Variants in KCNQ5 observed in about 807,000 individuals in gnomAD.
KCNQ5 encodes the protein potassium voltage-gated channel subfamily KQT member 5.
KCNQ5 carries 30 observed loss-of-function variants against 98.2 expected under a neutral mutation model. The ratio of observed to expected loss-of-function variants is 0.31; its 90% CI spans 0.23 to 0.41. The LOEUF is 0.41. Among genes scored for constraint, KCNQ5 ranks in the 10% least tolerant of loss-of-function variants. The probability of loss-of-function intolerance (pLI) is 1.00; values close to 1 mark genes in which losing one functional copy is unlikely to be tolerated. For synonymous variants in KCNQ5, 458 were observed against 449.4 expected, an observed-to-expected ratio of 1.02 and a Z score of -0.24; for missense variants, 835 against 1,182.5, an observed-to-expected ratio of 0.71 and a Z score of 4.31.
chr6:72,761,720 T>G (rs972549922), intron 1 of KCNQ5, among the ~76,000 whole-genome samples: 6 of 152,070 alleles, frequency 3.9e-5, no homozygotes, highest in Non-Finnish European at 7.4e-5. Context: ...TTGCAGTAAC[T>G]ACAATATGCA....
chr6:73,061,899 A>C (rs1395461014), intron 3 of KCNQ5, among the ~76,000 whole-genome samples: 1 of 152,146 alleles, frequency 6.6e-6, no homozygotes, highest in East Asian at 1.9e-4. Flanking sequence ...ATCGATACCT[A>C]CAATCAGAAA....
chr6:73,051,191 C>T (rs1383339494), intron 3 of KCNQ5, among the ~76,000 whole-genome samples: 1 of 152,150 alleles, frequency 6.6e-6, no homozygotes. Context: ...AGCCCCACCC[C>T]CTGCCCCACG....
chr6:72,714,530 G>GATAT (rs1447317335), intron 1 of KCNQ5, among the ~76,000 whole-genome samples: 1 of 151,778 alleles, frequency 6.6e-6, no homozygotes, highest in East Asian at 1.9e-4. Context: ...TTTTCTCTCT[G>GATAT]ATATGGCTTA....
intron 3 of KCNQ5, among the ~76,000 whole-genome samples, chr6:73,060,503 A>C (rs1021210247): frequency 6.6e-6 from 1 of 152,182 alleles, no homozygotes; most frequent in East Asian, 1.9e-4. Flanking sequence ...GGAATCTGGA[A>C]AGATTTTCTA....
At chr6:73,055,132 C>A (rs750184805) in intron 3 of KCNQ5, 7 of 763,168 alleles carry the variant, frequency 9.2e-6, no homozygotes, top group Non-Finnish European at 1.5e-5. Context: ...TCCAGCACAG[C>A]GAGAGTGAGT....
intron 2 of KCNQ5, among the ~76,000 whole-genome samples, chr6:73,025,503 A>T (rs184121311): frequency 6.6e-6 from 1 of 151,982 alleles, no homozygotes; most frequent in African/African-American, 2.4e-5. Flanking sequence ...ACACACTTGT[A>T]ATCCCAGCTA....
intron 1 of KCNQ5, among the ~76,000 whole-genome samples, chr6:72,889,980 C>G (rs945432251): frequency 3.9e-5 from 6 of 152,104 alleles, no homozygotes; most frequent in African/African-American, 1.4e-4. Flanking sequence ...TCAGTCAGAG[C>G]TGAATGGTGC....
intron 1 of KCNQ5, among the ~76,000 whole-genome samples, chr6:72,994,855 AAT>A (rs1313327573): frequency 9.9e-5 from 15 of 152,216 alleles, no homozygotes; most frequent in Admixed American, 3.3e-4. Context: ...AACTTTCATT[AAT>A]AGTTTCTCAT....
intron 1 of KCNQ5, among the ~76,000 whole-genome samples, chr6:72,866,324 G>A (rs923191950): frequency 7.1e-6 from 1 of 140,616 alleles, no homozygotes; most frequent in Non-Finnish European, 1.5e-5. Context: ...GTGTGATCTC[G>A]GCCCACTGCA....
At chr6:72,987,195 G>A in intron 1 of KCNQ5, 3 of 686,870 alleles carry the variant, frequency 4.4e-6, no homozygotes, top group South Asian at 1.4e-5. Context: ...AATCATTGAG[G>A]AGCCGGCTCT....
chr6:73,104,882 G>T (rs576342819), intron 5 of KCNQ5, among the ~76,000 whole-genome samples: 1 of 152,150 alleles, frequency 6.6e-6, no homozygotes, highest in Non-Finnish European at 1.5e-5. Context: ...TTCAGGAAAT[G>T]CCTGCTAAGG....
At chr6:72,921,424 G>C (rs747634380) in intron 1 of KCNQ5, among the ~76,000 whole-genome samples, 7 of 152,180 alleles carry the variant, frequency 4.6e-5, no homozygotes, top group Non-Finnish European at 1.0e-4. Context: ...GCAAGAAATA[G>C]TTGACCAGGG....
intron 1 of KCNQ5, among the ~76,000 whole-genome samples, chr6:72,988,630 G>T (rs1264847478): frequency 1.4e-5 from 2 of 146,012 alleles, no homozygotes; most frequent in Non-Finnish European, 3.0e-5. Flanking sequence ...TAAAACTTGG[G>T]GAAAAAAAGC....
At chr6:73,091,258 T>C (rs149023462) in intron 5 of KCNQ5, among the ~76,000 whole-genome samples, 1,865 of 151,838 alleles carry the variant, frequency 0.012, 38 homozygotes, top group African/African-American at 0.042. Context: ...CACTCATAAG[T>C]GGGAGCTGAA....
At chr6:72,664,020 C>A (rs997094191) in intron 1 of KCNQ5, among the ~76,000 whole-genome samples, 6 of 152,320 alleles carry the variant, frequency 3.9e-5, no homozygotes, top group Middle Eastern at 3.4e-3. Flanking sequence ...TTTCCTTCCT[C>A]CCTCTTCAAC....
intron 1 of KCNQ5, among the ~76,000 whole-genome samples, chr6:72,652,006 G>A (rs953748641): frequency 1.3e-5 from 2 of 151,992 alleles, no homozygotes; most frequent in Non-Finnish European, 2.9e-5. Context: ...GTTAGGGTAA[G>A]AAGCGGCTTT....
chr6:72,877,330 CTGTG>C (rs1284747117), intron 1 of KCNQ5, among the ~76,000 whole-genome samples: 2 of 152,072 alleles, frequency 1.3e-5, no homozygotes, highest in Non-Finnish European at 2.9e-5. Flanking sequence ...TTTTCTGTTC[CTGTG>C]TTAGTTTGCT....
intron 1 of KCNQ5, among the ~76,000 whole-genome samples, chr6:72,700,534 T>A (rs1222726940): frequency 6.6e-6 from 1 of 152,186 alleles, no homozygotes; most frequent in Non-Finnish European, 1.5e-5. Flanking sequence ...TAAACCACAG[T>A]GAAAATTGCT....
At chr6:73,087,531 A>T (rs1774037273) in intron 5 of KCNQ5, among the ~76,000 whole-genome samples, 1 of 152,204 alleles carries the variant, frequency 6.6e-6, no homozygotes, top group African/African-American at 2.4e-5. Flanking sequence ...CTAGAGATAT[A>T]AATTTGGAGT....
Sources: gnomAD v4.1 joint callset for allele counts (sites outside exome capture counted in the v4.1 genomes callset) on GRCh38, gnomAD v4.1.1 for gene constraint, MANE v1.5 for transcripts, NCBI Gene and HGNC (gene_info 2026-07-23, HGNC 2026-07-21) for gene names.